The following LEMD3 variants were observed in gnomAD, a reference collection of about 807,000 sequenced individuals.
LEMD3 encodes the protein inner nuclear membrane protein Man1.
LEMD3 carries 33 observed loss-of-function variants against 95.2 expected under a neutral mutation model. The observed-to-expected ratio is 0.35, with a 90% confidence interval of 0.26 to 0.46. The LOEUF is 0.46. Ranked by LOEUF, LEMD3 falls within the 20% of genes least tolerant of loss-of-function variation. The pLI is 1.00. For missense variants in LEMD3, 1,210 were observed against 1,192.8 expected (o/e 1.01, Z -0.21); for synonymous variants, 525 against 474.6 (o/e 1.11, Z -1.38).
intron 12 of LEMD3, 64 bp downstream of exon 12, chr12:65,246,003 C>A: frequency 1.5e-6 from 2 of 1,365,882 alleles, no homozygotes; most frequent in Non-Finnish European, 1.0e-6. Context: ...TAAACTATAC[C>A]AGATTTCAAA....
intron 1 of LEMD3, among the ~76,000 whole-genome samples, chr12:65,202,529 G>C (rs976383893): frequency 6.6e-6 from 1 of 152,148 alleles, no homozygotes; most frequent in East Asian, 1.9e-4. Flanking sequence ...CTGTATTCAT[G>C]AGAGATATTG....
chr12:65,236,320 T>C (rs1338482067), intron 4 of LEMD3, among the ~76,000 whole-genome samples: 1 of 152,158 alleles, frequency 6.6e-6, no homozygotes. Flanking sequence ...GGCAGGCGGA[T>C]CACTTGAGGC....
intron 1 of LEMD3, among the ~76,000 whole-genome samples, chr12:65,185,023 G>T (rs1391573893): frequency 6.6e-6 from 1 of 151,478 alleles, no homozygotes; most frequent in East Asian, 1.9e-4. Context: ...TGTTGCCCAG[G>T]CTAGCCTCAA....
At position 65,240,214 on chromosome 12, in the gene LEMD3, A is replaced by G. The variant is rs370494111; in HGVS notation, c.2102A>G (p.Asp701Gly). ...QPYMPIPHVR[D>G]SLIQPHDRKK... ...TACATGCCTATTCCACATGTACGCG[A>G]TTCCTTAATACAGCCTCATGACAGG... The change falls in exon 8 of 13, where the codon GAT (aspartate) becomes GGT (glycine). Residue 701 changes from aspartate to glycine, a missense_variant. Physicochemically the swap from Asp to Gly is moderately conservative, Grantham distance 94. Coordinates refer to ENST00000308330, the MANE Select transcript of LEMD3 (RefSeq NM_014319.5). 2 of 1,612,828 alleles carry G rather than the reference A, an allele frequency of 1.2e-6. No individual in the cohort carries two copies. Among genetic ancestry groups the G allele is most frequent in the African/African-American group, 2.7e-5 (2 of 74,910 alleles).
intron 1 of LEMD3, among the ~76,000 whole-genome samples, chr12:65,205,766 T>C (rs1190102482): frequency 1.3e-5 from 2 of 152,122 alleles, no homozygotes; most frequent in East Asian, 3.9e-4. Flanking sequence ...GGGATTACAA[T>C]TGAAAGGTTA....
At chr12:65,184,231 A>G (rs963931690) in intron 1 of LEMD3, among the ~76,000 whole-genome samples, 2 of 152,274 alleles carry the variant, frequency 1.3e-5, no homozygotes, top group Admixed American at 1.3e-4. Context: ...CCTAGAGAAT[A>G]TTTTCTCACA....
rs145681652 is a variant in LEMD3 at position 65,219,810 on chromosome 12, G to A, written c.1695+1191G>A. ...ATATAAGTTGAATCCTGCAATTTTTGTCCTGTGACTGGCTTATTTCACCTA... is the reference window on the plus strand; with the variant it reads ...ATATAAGTTGAATCCTGCAATTTTTATCCTGTGACTGGCTTATTTCACCTA... On this transcript the variant is annotated intron_variant, in intron 4 of 12. Transcript: ENST00000308330. Among the ~76,000 whole-genome samples the A allele has an allele frequency of 1.5e-3, 225 of 152,158 alleles. 3 individuals carry two copies. The highest frequency in any genetic ancestry group is 8.4e-4 in the Non-Finnish European group (57 of 67,970).
chr12:65,231,834 T>G (rs1870639646), intron 4 of LEMD3, among the ~76,000 whole-genome samples: 1 of 151,858 alleles, frequency 6.6e-6, no homozygotes. Context: ...AATATTACTT[T>G]ATTATAAATA....
intron 1 of LEMD3, among the ~76,000 whole-genome samples, chr12:65,175,298 T>C (rs1455080752): frequency 6.6e-6 from 1 of 152,206 alleles, no homozygotes; most frequent in Non-Finnish European, 1.5e-5. Flanking sequence ...AAATCTCATT[T>C]TCCACTAGTC....
intron 4 of LEMD3, among the ~76,000 whole-genome samples, chr12:65,230,138 C>T (rs1467239453): frequency 6.6e-6 from 1 of 152,070 alleles, no homozygotes; most frequent in Non-Finnish European, 1.5e-5. Context: ...TTTCTGGGGT[C>T]TTTATTCTGT....
intron 1 of LEMD3, 43 bp from the exon 2 acceptor site, chr12:65,210,883 C>A: frequency 6.9e-7 from 1 of 1,443,448 alleles, no homozygotes; most frequent in South Asian, 1.1e-5. Context: ...GATTTTAATT[C>A]GTAAGTGATG....
At chr12:65,223,602 C>T (rs1293793395) in intron 4 of LEMD3, among the ~76,000 whole-genome samples, 2 of 151,870 alleles carry the variant, frequency 1.3e-5, no homozygotes, top group Non-Finnish European at 2.9e-5. Context: ...CATCTTTTGG[C>T]TGTCAGCCTG....
At chr12:65,176,092 C>T (rs926117183) in intron 1 of LEMD3, among the ~76,000 whole-genome samples, 1 of 152,206 alleles carries the variant, frequency 6.6e-6, no homozygotes, top group African/African-American at 2.4e-5. Flanking sequence ...CTTTCAGTAA[C>T]CTAAAATGGT....
At chr12:65,235,196 A>G (rs1870739167) in intron 4 of LEMD3, among the ~76,000 whole-genome samples, 1 of 152,154 alleles carries the variant, frequency 6.6e-6, no homozygotes, top group African/African-American at 2.4e-5. Context: ...CAACATTACA[A>G]AGAAGACTAA....
At chr12:65,224,990 C>T (rs1217787230) in intron 4 of LEMD3, among the ~76,000 whole-genome samples, 1 of 151,990 alleles carries the variant, frequency 6.6e-6, no homozygotes, top group Non-Finnish European at 1.5e-5. Context: ...TTTGAGTTTG[C>T]TGATTCTTTC....
chr12:65,220,748 C>T (rs578243870), intron 4 of LEMD3, among the ~76,000 whole-genome samples: 343 of 152,068 alleles, frequency 2.3e-3, no homozygotes, highest in African/African-American at 7.8e-3. Context: ...TTTTTGTGTA[C>T]GGTATAAGAT....
Position 65,210,935 on chromosome 12 carries a change from C to T in LEMD3, c.1532C>T (p.Pro511Leu), listed in dbSNP as rs1162665657. Residue 511 changes from proline (P) to leucine (L), a missense_variant, in exon 2 of 13, where the codon CCC becomes CTC. Physicochemically the swap from Pro to Leu is moderately conservative, Grantham distance 98. Coordinates refer to ENST00000308330, the MANE Select transcript of LEMD3 (RefSeq NM_014319.5). ...SEDGELSIEN[P>L]FGETFGKIQE... ...TTTCCTTCCTTGATAGTAGAAAACC[C>T]CTTTGGTGAAACATTTGGAAAAATA... The T allele has an allele frequency of 6.3e-7, 1 of 1,595,390 alleles. No individual in the cohort carries two copies. Among genetic ancestry groups the T allele is most frequent in the Admixed American group, 1.7e-5 (1 of 59,964 alleles).
In LEMD3 at chr12:65,169,728, G is replaced by A; in HGVS notation, c.132G>A (p.Lys44=). Residue 44 remains lysine (K), a synonymous_variant, in exon 1 of 13, where the codon AAG becomes AAA. Transcript: ENST00000308330. ...GCCCGGTCTACCTCAAGAAGCTGAA[G>A]AAGCTTCGAGAGGAAGAGCAGCAAC... The part of the protein sequence containing the change: ...STRPVYLKKL[K]KLREEEQQQH... 6.3e-7 allele frequency: 1 copy of A among 1,589,994 alleles called. No individual in the cohort carries two copies. Among genetic ancestry groups the A allele is most frequent in the Non-Finnish European group, 8.6e-7 (1 of 1,168,274 alleles).
intron 1 of LEMD3, among the ~76,000 whole-genome samples, chr12:65,172,694 G>A (rs1310768701): frequency 6.6e-6 from 1 of 151,306 alleles, no homozygotes; most frequent in African/African-American, 2.4e-5. Context: ...CTGCATCTGT[G>A]TCTCTAACAA....
Sources: gnomAD v4.1 joint callset for allele counts (sites outside exome capture counted in the v4.1 genomes callset) on GRCh38, gnomAD v4.1.1 for gene constraint, MANE v1.5 for transcripts, NCBI Gene and HGNC (gene_info 2026-07-23, HGNC 2026-07-21) for gene names.